CCDC85A: variants seen among roughly 807,000 people sequenced by gnomAD.
CCDC85A encodes coiled-coil domain containing 85A.
A neutral mutation model predicts 50.2 loss-of-function variants in CCDC85A; 38 were observed. The ratio of observed to expected loss-of-function variants is 0.76; its 90% confidence interval spans 0.58 to 0.99. The LOEUF is 0.99. Among genes scored for constraint, CCDC85A ranks in the 50% least tolerant of loss-of-function variants. CCDC85A has a pLI of 0.00. For synonymous variants in CCDC85A, 366 were observed against 301.4 expected (o/e 1.21, Z -2.22); for missense variants, 820 against 742.0 (o/e 1.11, Z -1.22).
chr2:56,365,018 C>T (rs72803069), intron 3 of CCDC85A, among the ~76,000 whole-genome samples: 1,676 of 152,270 alleles, frequency 0.011, 16 homozygotes, highest in Middle Eastern at 0.024. Context: ...ATCCTTCTTA[C>T]GGCATGGGAG....
intron 2 of CCDC85A, among the ~76,000 whole-genome samples, chr2:56,244,199 G>C (rs13429808): frequency 6.6e-6 from 1 of 151,866 alleles, no homozygotes; most frequent in African/African-American, 2.4e-5. Flanking sequence ...AGAGATGTCT[G>C]GGAGTCAGGG....
At chr2:56,352,803 G>A (rs1454227576) in intron 3 of CCDC85A, among the ~76,000 whole-genome samples, 1 of 152,084 alleles carries the variant, frequency 6.6e-6, no homozygotes. Context: ...ACCAAATAGG[G>A]GTTTCAAGAA....
intron 2 of CCDC85A, among the ~76,000 whole-genome samples, chr2:56,203,676 C>T (rs1375442376): frequency 6.6e-6 from 1 of 152,044 alleles, no homozygotes; most frequent in Non-Finnish European, 1.5e-5. Flanking sequence ...TTCGAGTATC[C>T]CTGTGGACTT....
chr2:56,337,724 T>C (rs989528941), intron 2 of CCDC85A, among the ~76,000 whole-genome samples: 1 of 152,122 alleles, frequency 6.6e-6, no homozygotes, highest in African/African-American at 2.4e-5. Context: ...AATTACCTTA[T>C]TGTTTTTTCC....
intron 2 of CCDC85A, among the ~76,000 whole-genome samples, chr2:56,199,096 T>G (rs1676636708): frequency 6.6e-6 from 1 of 152,248 alleles, no homozygotes; most frequent in Non-Finnish European, 1.5e-5. Flanking sequence ...TAGTGATGCA[T>G]GTATCATTTC....
At chr2:56,339,795 G>T (rs1372693548) in intron 2 of CCDC85A, among the ~76,000 whole-genome samples, 1 of 152,052 alleles carries the variant, frequency 6.6e-6, no homozygotes, top group South Asian at 2.1e-4. Flanking sequence ...TGTAAATCAG[G>T]CAATCTACAT....
chr2:56,210,237 C>T (rs1677128188), intron 2 of CCDC85A, among the ~76,000 whole-genome samples: 1 of 152,036 alleles, frequency 6.6e-6, no homozygotes, highest in South Asian at 2.1e-4. Flanking sequence ...AATACCGTCA[C>T]AGTCATGTTT....
intron 2 of CCDC85A, among the ~76,000 whole-genome samples, chr2:56,211,398 C>T (rs1677173109): frequency 6.6e-6 from 1 of 151,866 alleles, no homozygotes; most frequent in South Asian, 2.1e-4. Context: ...ATGTGCATTT[C>T]CTCCTGCATT....
intron 3 of CCDC85A, among the ~76,000 whole-genome samples, chr2:56,347,383 A>G (rs974668966): frequency 1.3e-5 from 2 of 152,200 alleles, no homozygotes; most frequent in Admixed American, 1.3e-4. Context: ...CAGTGTAATT[A>G]AGCTACTAAA....
At chr2:56,234,382 G>A (rs983036267) in intron 2 of CCDC85A, among the ~76,000 whole-genome samples, 2 of 152,164 alleles carry the variant, frequency 1.3e-5, no homozygotes, top group Non-Finnish European at 2.9e-5. Context: ...CTTGTCCTGA[G>A]CAGAAACTCA....
At chr2:56,204,879 C>T (rs1026069029) in intron 2 of CCDC85A, among the ~76,000 whole-genome samples, 1 of 152,206 alleles carries the variant, frequency 6.6e-6, no homozygotes, top group East Asian at 1.9e-4. Flanking sequence ...TGAAGCACCA[C>T]AGTGATGAGT....
chr2:56,355,016 T>G lies in CCDC85A; in HGVS notation c.1317+12061T>G, dbSNP rs148051249. On this transcript the variant is annotated intron_variant, in intron 3 of 5. Coordinates refer to ENST00000407595, the MANE Select transcript of CCDC85A (RefSeq NM_001080433.2). The stretch of plus-strand genomic sequence containing the variant: ...TGGGCCCAGCCCGCTATGAGTCTGC[T>G]TTTGGGAGCTGTTCCCCCATCAGGT... Among the ~76,000 whole-genome samples, 356 of 152,300 alleles carry G rather than the reference T, an allele frequency of 2.3e-3. 1 individual carries two copies. The highest frequency in any genetic ancestry group is 7.9e-3 in the African/African-American group (329 of 41,566).
chr2:56,371,390 A>C (rs17047856), intron 3 of CCDC85A, among the ~76,000 whole-genome samples: 74,742 of 151,968 alleles, frequency 0.49, 19,872 homozygotes, highest in East Asian at 0.78. Flanking sequence ...CTAACTTCAA[A>C]AAAAATGAAT....
At chr2:56,208,181 G>T (rs1573025487) in intron 2 of CCDC85A, among the ~76,000 whole-genome samples, 1 of 152,254 alleles carries the variant, frequency 6.6e-6, no homozygotes, top group South Asian at 2.1e-4. Context: ...ATACAATGAG[G>T]TCACATGTCT....
At position 56,262,459 on chromosome 2, in the gene CCDC85A, G is replaced by T. The variant is rs546250311; in HGVS notation, c.1240+69019G>T. On this transcript the variant is annotated intron_variant, in intron 2 of 5. Coordinates refer to ENST00000407595, the MANE Select transcript of CCDC85A (RefSeq NM_001080433.2). Reference sequence around the variant, plus strand: ...GCCCAGATTTCCTTGGCTTCTAAGGGTTTTCTCATGAGAAGCCCTGGATTG... The same window carrying T: ...GCCCAGATTTCCTTGGCTTCTAAGGTTTTTCTCATGAGAAGCCCTGGATTG... Among the ~76,000 whole-genome samples the T allele has an allele frequency of 3.3e-5, 5 of 152,270 alleles. No individual in the cohort carries two copies. In the East Asian group the frequency reaches 9.6e-4, roughly 29 times the overall value.
At chr2:56,209,930 C>T (rs1390212588) in intron 2 of CCDC85A, among the ~76,000 whole-genome samples, 1 of 151,996 alleles carries the variant, frequency 6.6e-6, no homozygotes, top group Non-Finnish European at 1.5e-5. Flanking sequence ...TGTCTGTTGC[C>T]ATCGTCATGA....
chr2:56,253,368 G>A (rs1669851776), intron 2 of CCDC85A, among the ~76,000 whole-genome samples: 1 of 152,110 alleles, frequency 6.6e-6, no homozygotes, highest in Non-Finnish European at 1.5e-5. Flanking sequence ...AAGATCAAGG[G>A]AAGAGTTTCC....
rs1382411678 is a variant in CCDC85A at position 56,184,828 on chromosome 2, G to C, written c.204G>C (p.Leu68=). 6.5e-7 allele frequency: 1 copy of C among 1,543,854 alleles called. No homozygotes were observed. Among genetic ancestry groups the C allele is most frequent in the Admixed American group, 2.0e-5 (1 of 50,824 alleles). ...RAEAEKVSAM[L]DHSNLIREVN... ...AGGCGGAGAAGGTGAGCGCGATGCT[G>C]GACCACAGCAACCTCATCCGCGAGG... The change falls in exon 1 of 6, where the codon CTG becomes CTC. Residue 68 remains leucine (L), a synonymous_variant. Coordinates refer to ENST00000407595, the MANE Select transcript of CCDC85A (RefSeq NM_001080433.2).
intron 2 of CCDC85A, among the ~76,000 whole-genome samples, chr2:56,203,732 T>C (rs1676841710): frequency 6.6e-6 from 1 of 152,208 alleles, no homozygotes; most frequent in Non-Finnish European, 1.5e-5. Context: ...AACTGACATG[T>C]GGCATCTAAG....
Sources: allele counts gnomAD v4.1 joint callset (sites outside exome capture counted in the v4.1 genomes callset), GRCh38; gene constraint gnomAD v4.1.1; transcripts MANE v1.5; gene names NCBI Gene and HGNC (gene_info 2026-07-23, HGNC 2026-07-21).